The following NXN variants were observed in gnomAD, a reference collection of about 807,000 sequenced individuals.
NXN encodes nucleoredoxin 1.
NXN carries 16 observed loss-of-function variants against 48.6 expected under a neutral mutation model. That is an observed-to-expected ratio of 0.33 (90% CI 0.22 to 0.50). The LOEUF (loss-of-function observed/expected upper bound fraction) is 0.50. Ranked by LOEUF, NXN falls within the 20% of genes least tolerant of loss-of-function variation. The pLI, the probability that NXN is intolerant of heterozygous loss-of-function variation, is 0.98. For synonymous variants in NXN, 281 were observed against 269.6 expected, an observed-to-expected ratio of 1.04 and a Z score of -0.41; for missense variants, 492 against 605.5, an observed-to-expected ratio of 0.81 and a Z score of 1.97.
At chr17:832,475 A>G (rs1182648724) in intron 1 of NXN, among the ~76,000 whole-genome samples, 2 of 151,850 alleles carry the variant, frequency 1.3e-5, no homozygotes, top group Non-Finnish European at 2.9e-5. Context: ...GTGAGCCACC[A>G]TGCCCAGCCT....
In NXN at chr17:896,026, G is replaced by A. The variant is rs1178337555; in HGVS notation, c.361-69948C>T. Among the ~76,000 whole-genome samples the A allele has an allele frequency of 2.0e-5, 3 of 151,396 alleles. No individual in the cohort carries two copies. In the East Asian group the frequency reaches 5.9e-4, roughly 30 times the overall value. On this transcript the variant is annotated intron_variant, in intron 1 of 7. Transcript: ENST00000336868. ...GAGTTCAAGACCAGCCTGGGCAACA[G>A]AGCAAGACTATCTCTACAAAAAAAT...
At chr17:822,315 T>C in intron 4 of NXN, 42 bp downstream of exon 4, 1 of 1,360,292 alleles carries the variant, frequency 7.4e-7, no homozygotes, top group Non-Finnish European at 1.0e-6. Flanking sequence ...GGATGTCAGC[T>C]ACCTACAGAA....
At chr17:911,938 C>CTTTTTT (rs147131427) in intron 1 of NXN, among the ~76,000 whole-genome samples, 1 of 141,746 alleles carries the variant, frequency 7.1e-6, no homozygotes, top group Non-Finnish European at 1.5e-5. Flanking sequence ...CATGCATATA[C>CTTTTTT]TTTTTTTTTT....
Position 811,727 on chromosome 17 carries a change from C to T in NXN, c.821-6480G>A, listed in dbSNP as rs946330570. ...GGGCCCAAACTCATCATCAAGACCACGGCAGAGGCCGCCACCCTGTGAGAT... is the reference window on the plus strand; with the variant it reads ...GGGCCCAAACTCATCATCAAGACCATGGCAGAGGCCGCCACCCTGTGAGAT... On this transcript the variant is annotated intron_variant, in intron 5 of 7. Transcript: ENST00000336868. Among the ~76,000 whole-genome samples, 7 of 152,234 alleles carry T rather than the reference C, an allele frequency of 4.6e-5. No individual in the cohort carries two copies. In the East Asian group the frequency reaches 5.8e-4, roughly 13 times the overall value.
At chr17:804,174 G>A (rs1010430994) in intron 6 of NXN, among the ~76,000 whole-genome samples, 1 of 151,660 alleles carries the variant, frequency 6.6e-6, no homozygotes, top group African/African-American at 2.4e-5. Context: ...CTCAGCCACA[G>A]AATGAGAAGC....
chr17:862,524 T>C (rs2068051551), intron 1 of NXN, among the ~76,000 whole-genome samples: 1 of 152,180 alleles, frequency 6.6e-6, no homozygotes, highest in Non-Finnish European at 1.5e-5. Context: ...ACCCTGTCTC[T>C]TAAAACAAAT....
intron 5 of NXN, among the ~76,000 whole-genome samples, chr17:817,542 G>A (rs1289078591): frequency 6.6e-6 from 1 of 152,066 alleles, no homozygotes; most frequent in Non-Finnish European, 1.5e-5. Context: ...TGTGGTGGGT[G>A]CCTGTGGTCC....
At chr17:805,317 G>A (rs1911433465) in intron 5 of NXN, 70 bp from the exon 6 acceptor site, 1 of 1,504,600 alleles carries the variant, frequency 6.6e-7, no homozygotes, top group African/African-American at 1.4e-5. Flanking sequence ...GAGGCTCGCG[G>A]GGTCCAGCCC....
At chr17:871,243 C>T (rs913773937) in intron 1 of NXN, among the ~76,000 whole-genome samples, 1 of 151,972 alleles carries the variant, frequency 6.6e-6, no homozygotes, top group Non-Finnish European at 1.5e-5. Flanking sequence ...AGGGAGTGTA[C>T]ATACAACCTC....
intron 1 of NXN, among the ~76,000 whole-genome samples, chr17:828,218 C>G (rs1386300061): frequency 6.6e-6 from 1 of 151,858 alleles, no homozygotes; most frequent in African/African-American, 2.4e-5. Flanking sequence ...ATTCCCCTGC[C>G]TCAGCCTCCC....
At chr17:843,829 A>C (rs2067828515) in intron 1 of NXN, among the ~76,000 whole-genome samples, 1 of 152,214 alleles carries the variant, frequency 6.6e-6, no homozygotes, top group African/African-American at 2.4e-5. Flanking sequence ...GGGCCATCAC[A>C]CGGGTTCGAC....
At chr17:923,789 CAGA>C (rs2068770939) in intron 1 of NXN, among the ~76,000 whole-genome samples, 1 of 152,106 alleles carries the variant, frequency 6.6e-6, no homozygotes, top group Non-Finnish European at 1.5e-5. Context: ...CGTTTGATAC[CAGA>C]AGGACAACCT....
At chr17:805,289 GCTGGCCCTGC>G in intron 5 of NXN, 42 bp from the exon 6 acceptor site, 1 of 1,569,270 alleles carries the variant, frequency 6.4e-7, no homozygotes, top group Non-Finnish European at 8.6e-7. Context: ...CCCGGGAGAT[GCTGGCCCTGC>G]CTGGCAGGAG....
At chr17:884,371 C>G (rs574456380) in intron 1 of NXN, among the ~76,000 whole-genome samples, 1 of 152,252 alleles carries the variant, frequency 6.6e-6, no homozygotes, top group African/African-American at 2.4e-5. Context: ...CACCACTGCA[C>G]TCCAGCCTGG....
chr17:824,032 G>A lies in NXN; in HGVS notation c.479-267C>T, dbSNP rs113610710. ...ATGGGTCACAAGGTCTGTCTTCCAG[G>A]GACATTTTTTTTTTTTTTTTTTTTT... On this transcript the variant is annotated intron_variant, in intron 2 of 7. Coordinates refer to ENST00000336868, the MANE Select transcript of NXN (RefSeq NM_022463.5). Among the ~76,000 whole-genome samples the A allele has an allele frequency of 1.0e-2, 1,404 of 140,722 alleles. 10 individuals are homozygous for A. Among genetic ancestry groups the A allele is most frequent in the Non-Finnish European group, 0.014 (916 of 66,540 alleles). 92.3% of individuals were successfully genotyped at this position (140,722 alleles called of 152,430 possible).
intron 1 of NXN, among the ~76,000 whole-genome samples, chr17:916,047 T>C (rs961688619): frequency 1.3e-5 from 2 of 152,258 alleles, no homozygotes; most frequent in African/African-American, 4.8e-5. Flanking sequence ...TAAGAGCGCC[T>C]GTCTGGCTGC....
intron 1 of NXN, among the ~76,000 whole-genome samples, chr17:874,699 T>C (rs2068195615): frequency 1.4e-5 from 2 of 147,104 alleles, no homozygotes; most frequent in Admixed American, 6.8e-5. Flanking sequence ...CACTGTAGCC[T>C]GGGTGACAGA....
At position 958,467 on chromosome 17, in the gene NXN, C is replaced by A. The variant is rs1224678637; in HGVS notation, c.360+20852G>T. ...TTCAAAACCAGCCCGGGCAACATAG[C>A]AGGACTCCAACTCTACAAAAATTAA... is the stretch of plus-strand genomic sequence containing the variant. On this transcript the variant is annotated intron_variant, in intron 1 of 7. Coordinates refer to ENST00000336868, the MANE Select transcript of NXN (RefSeq NM_022463.5). This position sits in a 1 kb window ranked among gnomAD's most constrained non-coding sequence, Gnocchi z 6.9. 1.3e-5 allele frequency among the ~76,000 whole-genome samples: 2 copies of A among 151,674 alleles called. No homozygotes were observed. Among genetic ancestry groups the A allele is most frequent in the Admixed American group, 6.6e-5 (1 of 15,222 alleles).
intron 5 of NXN, among the ~76,000 whole-genome samples, chr17:807,679 T>C (rs1323091696): frequency 6.6e-6 from 1 of 152,206 alleles, no homozygotes; most frequent in Non-Finnish European, 1.5e-5. Context: ...CGCGTGACTG[T>C]CTGCATAAGC....
Sources: allele counts gnomAD v4.1 joint callset (sites outside exome capture counted in the v4.1 genomes callset), GRCh38; gene constraint gnomAD v4.1.1; non-coding constraint Gnocchi (gnomAD v3.1); transcripts MANE v1.5; gene names NCBI Gene and HGNC (gene_info 2026-07-23, HGNC 2026-07-21).